Variants in HSDL2 observed in about 807,000 individuals in gnomAD.
The protein encoded by HSDL2 is hydroxysteroid dehydrogenase-like protein 2.
A neutral mutation model predicts 46.3 loss-of-function variants in HSDL2; 27 were observed. The ratio of observed to expected loss-of-function variants is 0.58; its 90% CI spans 0.43 to 0.80. The LOEUF (loss-of-function observed/expected upper bound fraction) is 0.80, where lower values mean the gene tolerates loss of function less well. Ranked by LOEUF, HSDL2 falls within the 30% of genes least tolerant of loss-of-function variation. The pLI, the probability that HSDL2 is intolerant of heterozygous loss-of-function variation, is 0.00. For synonymous variants in HSDL2, 153 were observed against 163.6 expected (o/e 0.94, Z 0.50); for missense variants, 451 against 502.7 (o/e 0.90, Z 0.98).
chr9:112,391,612 A>C (rs1831345462), intron 1 of HSDL2, among the ~76,000 whole-genome samples: 1 of 152,104 alleles, frequency 6.6e-6, no homozygotes. Context: ...TTATAGAAAA[A>C]CGGGCAAAAC....
chr9:112,459,078 G>A (rs572782782), intron 9 of HSDL2, among the ~76,000 whole-genome samples: 5 of 152,170 alleles, frequency 3.3e-5, no homozygotes, highest in Non-Finnish European at 5.9e-5. Flanking sequence ...ATCATTCCAA[G>A]TGAAACTCTG....
intron 6 of HSDL2, among the ~76,000 whole-genome samples, chr9:112,436,497 G>C (rs1832526621): frequency 6.6e-6 from 1 of 151,896 alleles, no homozygotes. Context: ...GAATGAAAAA[G>C]GGCCAATGGC....
chr9:112,470,515 C>A lies in HSDL2; in HGVS notation c.1228C>A (p.Leu410Ile). The A allele has an allele frequency of 6.2e-7, 1 of 1,606,288 alleles. No individual in the cohort carries two copies. The highest frequency in any genetic ancestry group is 8.5e-7 in the Non-Finnish European group (1 of 1,174,194). The change falls in exon 11 of 11, where the codon CTA becomes ATA. Residue 410 changes from leucine to isoleucine, a missense_variant. By Grantham distance (5) the Leu-to-Ile change is conservative. Coordinates refer to ENST00000398805, the MANE Select transcript of HSDL2 (RefSeq NM_032303.5). ...GGCCCTAGCAATCAAATTGGAGAAG[C>A]TAATGAATCAGATGAATGCCAGACT... ...NMALAIKLEK[L>I]MNQMNARL
At chr9:112,467,167 T>C (rs2418208) in intron 10 of HSDL2, among the ~76,000 whole-genome samples, 145,494 of 152,316 alleles carry the variant, frequency 0.96, 69,552 homozygotes, top group African/African-American at 0.98. Context: ...AGAAACAACC[T>C]AAATGTCCAT....
intron 4 of HSDL2, among the ~76,000 whole-genome samples, chr9:112,415,127 TTAAA>T (rs1306961008): frequency 2.6e-5 from 4 of 152,186 alleles, no homozygotes; most frequent in South Asian, 2.1e-4. Flanking sequence ...AATCTGAATC[TTAAA>T]TAAATTACCT....
intron 9 of HSDL2, among the ~76,000 whole-genome samples, chr9:112,457,548 G>C (rs906575108): frequency 6.6e-6 from 1 of 152,174 alleles, no homozygotes; most frequent in African/African-American, 2.4e-5. Context: ...GGGAGGCTGA[G>C]ATGGGAAGAC....
chr9:112,388,886 T>C (rs904113438), intron 1 of HSDL2, among the ~76,000 whole-genome samples: 1 of 151,744 alleles, frequency 6.6e-6, no homozygotes, highest in South Asian at 2.1e-4. Context: ...AAGAGATATG[T>C]CAATTAAAAG....
chr9:112,422,918 A>C (rs527385428), intron 6 of HSDL2, among the ~76,000 whole-genome samples: 11 of 152,230 alleles, frequency 7.2e-5, no homozygotes, highest in Non-Finnish European at 1.5e-4. Context: ...AGAAACTAGA[A>C]GGCAGTGGAA....
chr9:112,432,962 CAG>C lies in HSDL2; in HGVS notation c.599-5468_599-5467del, dbSNP rs951656769. On this transcript the variant is annotated intron_variant, in intron 6 of 10. Coordinates refer to ENST00000398805, the MANE Select transcript of HSDL2 (RefSeq NM_032303.5). ...TTTGTATTTTTTTTTTTAGTAGAGA[CAG>C]GGGTTTCACCACATTGGCGAGGGTG... 9.2e-5 allele frequency among the ~76,000 whole-genome samples: 14 copies of C among 151,488 alleles called. No homozygotes were observed. The East Asian group carries it at 9.7e-4, about 11-fold the overall frequency.
chr9:112,401,754 T>C (rs974463289), intron 1 of HSDL2, among the ~76,000 whole-genome samples: 2 of 152,146 alleles, frequency 1.3e-5, no homozygotes, highest in African/African-American at 2.4e-5. Flanking sequence ...GAGAGGAATA[T>C]ACAGGCTGGT....
chr9:112,430,850 C>A (rs553916560), intron 6 of HSDL2, among the ~76,000 whole-genome samples: 3 of 151,818 alleles, frequency 2.0e-5, no homozygotes, highest in Non-Finnish European at 4.4e-5. Flanking sequence ...GTCAAGAGTT[C>A]GAGACCAGCC....
chr9:112,418,781 A>AAATT, intron 5 of HSDL2, 79 bp from the exon 6 acceptor site: 1 of 646,118 alleles, frequency 1.5e-6, no homozygotes, highest in Non-Finnish European at 2.5e-6. Context: ...AGTAATAGAA[A>AAATT]AATTGGTTAT....
intron 6 of HSDL2, among the ~76,000 whole-genome samples, chr9:112,420,221 T>A (rs1832087953): frequency 6.6e-6 from 1 of 151,982 alleles, no homozygotes; most frequent in African/African-American, 2.4e-5. Context: ...GGCTGAGGCA[T>A]GAGAATCACT....
chr9:112,442,989 G>A (rs978642953), intron 8 of HSDL2, among the ~76,000 whole-genome samples: 1 of 151,956 alleles, frequency 6.6e-6, no homozygotes, highest in Non-Finnish European at 1.5e-5. Context: ...AAGGAAAATA[G>A]TTACTCATAA....
In HSDL2 at chr9:112,454,102, G is replaced by GACT; in HGVS notation, c.956_958dup (p.Asp319_Ser320insTyr). ...GGAAGAAACATTTAGAATTGTTAAG[G>GACT]ACTCTCTCAGTGATGATGTTGTTAA... On this transcript the variant is annotated inframe_insertion, in exon 9 of 11. Transcript: ENST00000398805. 1 of 1,613,956 alleles carries GACT rather than the reference G, an allele frequency of 6.2e-7. No individual in the cohort carries two copies. Among genetic ancestry groups the GACT allele is most frequent in the Non-Finnish European group, 8.5e-7 (1 of 1,179,870 alleles).
intron 6 of HSDL2, among the ~76,000 whole-genome samples, chr9:112,436,518 T>C (rs915934377): frequency 6.6e-6 from 1 of 152,052 alleles, no homozygotes; most frequent in African/African-American, 2.4e-5. Flanking sequence ...TCTTAAAAGC[T>C]ACAGACATTT....
intron 3 of HSDL2, 53 bp from the exon 4 acceptor site, chr9:112,408,854 T>G (rs1272600900): frequency 1.1e-6 from 1 of 952,158 alleles, no homozygotes; most frequent in Non-Finnish European, 1.7e-6. Context: ...ACGCTTTTTT[T>G]GTGTGTGATA....
intron 10 of HSDL2, among the ~76,000 whole-genome samples, chr9:112,467,623 G>C (rs1396716247): frequency 1.3e-5 from 2 of 152,070 alleles, no homozygotes; most frequent in Non-Finnish European, 2.9e-5. Context: ...ATTTTCCCAA[G>C]GCCCCACTTC....
At chr9:112,416,786 T>G in intron 4 of HSDL2, 55 bp from the exon 5 acceptor site, 14 of 834,314 alleles carry the variant, frequency 1.7e-5, no homozygotes, top group Admixed American at 6.4e-5. Flanking sequence ...AAAAAAAAAG[T>G]GGAGAAATTG....
Sources: allele counts gnomAD v4.1 joint callset (sites outside exome capture counted in the v4.1 genomes callset), GRCh38; gene constraint gnomAD v4.1.1; transcripts MANE v1.5; gene names NCBI Gene and HGNC (gene_info 2026-07-23, HGNC 2026-07-21).